Variants in TFEC observed in about 807,000 individuals in gnomAD.
TFEC encodes the protein class E basic helix-loop-helix protein 34.
In TFEC, 31 loss-of-function variants were observed where a neutral mutation model predicts 41.6. The observed-to-expected ratio is 0.74, with a 90% confidence interval of 0.56 to 1.01. The LOEUF (loss-of-function observed/expected upper bound fraction) is 1.01, where lower values mean the gene tolerates loss of function less well. TFEC is among the 50% of genes least tolerant of loss of function. The pLI, the probability that TFEC is intolerant of heterozygous loss-of-function variation, is 0.00. For synonymous variants in TFEC, 143 were observed against 140.6 expected (o/e 1.02, Z -0.12); for missense variants, 402 against 404.1 (o/e 0.99, Z 0.04).
chr7:116,119,854 T>G (rs925706108), intron 1 of TFEC, among the ~76,000 whole-genome samples: 3 of 151,676 alleles, frequency 2.0e-5, no homozygotes, highest in Non-Finnish European at 4.4e-5. Flanking sequence ...ATTTAAACAG[T>G]GGAAACTATA....
chr7:116,157,323 T>G (rs1173548800), intron 1 of TFEC: 1 of 151,944 alleles, frequency 6.6e-6, no homozygotes, highest in East Asian at 1.9e-4. Flanking sequence ...TCTCCTTTCC[T>G]CTTCTTCTTA....
intron 6 of TFEC, among the ~76,000 whole-genome samples, chr7:115,946,420 TG>T (rs1791553354): frequency 6.1e-5 from 4 of 65,358 alleles, no homozygotes; most frequent in South Asian, 5.1e-4. Flanking sequence ...TGTGTGTGTG[TG>T]TGTGTGTGTG....
chr7:116,041,374 T>C (rs996664271), intron 3 of TFEC, among the ~76,000 whole-genome samples: 9 of 152,114 alleles, frequency 5.9e-5, no homozygotes, highest in African/African-American at 1.9e-4. Context: ...TATTGAAATA[T>C]CAGCTCCAGA....
At chr7:116,090,348 A>T in intron 3 of TFEC, among the ~76,000 whole-genome samples, 1 of 152,098 alleles carries the variant, frequency 6.6e-6, no homozygotes, top group Middle Eastern at 3.2e-3. Flanking sequence ...ACCTGAGAAG[A>T]TTCTGTATCT....
rs370915383 is a variant in TFEC at position 116,131,560 on chromosome 7, T to G, written c.-68-19522A>C. Among the ~76,000 whole-genome samples the G allele has an allele frequency of 2.2e-4, 33 of 152,336 alleles. 1 individual carries two copies. Among genetic ancestry groups the G allele is most frequent in the African/African-American group, 7.2e-4 (30 of 41,582 alleles). Reference sequence around the variant, plus strand: ...TATGTTTTTATTATTTTGAACTAACTGCATACAAAATATTGCCTCATAGAA... The same window carrying G: ...TATGTTTTTATTATTTTGAACTAACGGCATACAAAATATTGCCTCATAGAA... On this transcript the variant is annotated intron_variant, in intron 1 of 8. Transcript: ENST00000484212.
intron 3 of TFEC, among the ~76,000 whole-genome samples, chr7:116,070,245 A>G (rs1796796312): frequency 6.6e-6 from 1 of 151,468 alleles, no homozygotes. Context: ...TAAAACCTAT[A>G]AAATTTAATG....
chr7:115,969,333 G>C (rs553744892), intron 3 of TFEC, among the ~76,000 whole-genome samples: 1 of 151,938 alleles, frequency 6.6e-6, no homozygotes, highest in South Asian at 2.1e-4. Context: ...GATCATTTGT[G>C]TTACACTACT....
At chr7:116,119,811 A>C (rs543522269) in intron 1 of TFEC, among the ~76,000 whole-genome samples, 1 of 151,826 alleles carries the variant, frequency 6.6e-6, no homozygotes, top group Admixed American at 6.6e-5. Flanking sequence ...AAAATTTATC[A>C]TAGTCTTGTT....
chr7:115,988,738 C>G (rs1470930777), intron 1 of TFEC, among the ~76,000 whole-genome samples: 1 of 151,510 alleles, frequency 6.6e-6, no homozygotes, highest in South Asian at 2.1e-4. Context: ...CAGAGAACAC[C>G]AAGCAGAACA....
chr7:115,969,469 C>A (rs1793032109), intron 3 of TFEC, among the ~76,000 whole-genome samples: 2 of 151,754 alleles, frequency 1.3e-5, no homozygotes, highest in Admixed American at 6.6e-5. Context: ...GGTAACCATG[C>A]AAAGATCTGA....
At chr7:116,002,742 A>G (rs1794645748) in intron 1 of TFEC, among the ~76,000 whole-genome samples, 1 of 152,144 alleles carries the variant, frequency 6.6e-6, no homozygotes, top group South Asian at 2.1e-4. Flanking sequence ...TCATGTGATT[A>G]TTATTCATTT....
chr7:116,114,033 A>G (rs1343542165), intron 1 of TFEC, among the ~76,000 whole-genome samples: 1 of 152,066 alleles, frequency 6.6e-6, no homozygotes, highest in Non-Finnish European at 1.5e-5. Context: ...GTTGGGAAAA[A>G]TAAAAGTAAC....
chr7:116,042,297 T>G (rs1285423230), intron 3 of TFEC, among the ~76,000 whole-genome samples: 5 of 152,246 alleles, frequency 3.3e-5, no homozygotes, highest in Non-Finnish European at 5.9e-5. Flanking sequence ...TTAGAAGAAT[T>G]GCATTGTATA....
At chr7:116,062,559 T>TCATATATATATA (rs1796589331) in intron 3 of TFEC, among the ~76,000 whole-genome samples, 1 of 57,482 alleles carries the variant, frequency 1.7e-5, no homozygotes, top group Admixed American at 2.2e-4. Context: ...TGAGTAGTAC[T>TCATATATATATA]CATATATATA....
intron 3 of TFEC, among the ~76,000 whole-genome samples, chr7:116,096,811 G>T (rs922156373): frequency 6.6e-6 from 1 of 152,020 alleles, no homozygotes; most frequent in Non-Finnish European, 1.5e-5. Context: ...GGCAAGATAG[G>T]CTGGGCGCTG....
intron 1 of TFEC, among the ~76,000 whole-genome samples, chr7:116,028,015 G>C (rs1225858132): frequency 6.6e-6 from 1 of 152,122 alleles, no homozygotes; most frequent in African/African-American, 2.4e-5. Context: ...TGAAAAACTG[G>C]GAACAAGGGC....
chr7:116,045,726 C>T (rs978368519), intron 3 of TFEC, among the ~76,000 whole-genome samples: 19 of 152,192 alleles, frequency 1.2e-4, no homozygotes, highest in African/African-American at 3.4e-4. Context: ...TGTGCGAAAA[C>T]GGTCACCATC....
chr7:115,974,936 A>G (rs1332163325), intron 2 of TFEC, among the ~76,000 whole-genome samples: 1 of 152,076 alleles, frequency 6.6e-6, no homozygotes, highest in Non-Finnish European at 1.5e-5. Context: ...TAAGTGCTTT[A>G]CATACATCAT....
chr7:115,956,553 C>G, intron 4 of TFEC, 126 bp downstream of exon 4: 1 of 521,214 alleles, frequency 1.9e-6, no homozygotes, highest in Non-Finnish European at 3.3e-6. Flanking sequence ...GATGAATTTA[C>G]TGTCTGCCTT....
Sources: allele counts gnomAD v4.1 joint callset (sites outside exome capture counted in the v4.1 genomes callset), GRCh38; gene constraint gnomAD v4.1.1; transcripts MANE v1.5; gene names NCBI Gene and HGNC (gene_info 2026-07-23, HGNC 2026-07-21).